Variants in ANK1 observed in about 807,000 individuals in gnomAD.
The protein encoded by ANK1 is ankyrin-1.
A neutral mutation model predicts 210.4 loss-of-function variants in ANK1; 51 were observed. That is an observed-to-expected ratio of 0.24 (90% confidence interval 0.19 to 0.31). The LOEUF is 0.31. Ranked by LOEUF, ANK1 falls within the 10% of genes least tolerant of loss-of-function variation. The probability of loss-of-function intolerance (pLI) is 1.00; values close to 1 mark genes in which losing one functional copy is unlikely to be tolerated. For synonymous variants in ANK1, 967 were observed against 1,025.9 expected (o/e 0.94, Z 1.10); for missense variants, 2,051 against 2,504.4 (o/e 0.82, Z 3.86).
rs908294232 is a variant in ANK1, at chr8:41,823,731, T to C, written c.127-65594A>G. On this transcript the variant is annotated intron_variant, in intron 1 of 42. Coordinates refer to the ANK1 transcript ENST00000265709. ...GTGAGCTACGATTATGCCACTGTAT[T>C]CCAGCCTGGGCAACAGAGCAAGACC... 1.6e-4 allele frequency among the ~76,000 whole-genome samples: 24 copies of C among 152,012 alleles called. 2 individuals carry two copies. The South Asian group carries it at 4.6e-3, about 29-fold the overall frequency.
rs570996978 is a variant in ANK1, at chr8:41,848,441, C to T, written c.126+47914G>A. 1.1e-4 allele frequency among the ~76,000 whole-genome samples: 17 copies of T among 152,314 alleles called. No individual in the cohort carries two copies. The East Asian group carries it at 2.1e-3, about 19-fold the overall frequency. The stretch of plus-strand genomic sequence containing the variant: ...AAGCATTAACAGTCACTCACGCCTG[C>T]GTGCAGCACCATTGGTCCCTGCAGA... On this transcript the variant is annotated intron_variant, in intron 1 of 42. Transcript: ENST00000265709.
chr8:41,729,402 T>C (rs1831538090), intron 3 of ANK1, among the ~76,000 whole-genome samples: 1 of 152,160 alleles, frequency 6.6e-6, no homozygotes, highest in Non-Finnish European at 1.5e-5. Context: ...TTTTATTTTG[T>C]TTTTAGAATT....
chr8:41,833,775 C>T (rs893648696), intron 1 of ANK1, among the ~76,000 whole-genome samples: 5 of 152,046 alleles, frequency 3.3e-5, no homozygotes, highest in Non-Finnish European at 7.4e-5. Context: ...TCCTGGCACT[C>T]AAGGAGGTCG....
At chr8:41,836,350 G>T (rs191826489) in intron 1 of ANK1, among the ~76,000 whole-genome samples, 296 of 152,390 alleles carry the variant, frequency 1.9e-3, no homozygotes, top group Non-Finnish European at 3.0e-3. Flanking sequence ...ATTGAGCAAG[G>T]TTTCCATTCT....
At chr8:41,770,344 T>G (rs1842765874) in intron 1 of ANK1, among the ~76,000 whole-genome samples, 1 of 152,254 alleles carries the variant, frequency 6.6e-6, no homozygotes, top group Non-Finnish European at 1.5e-5. Context: ...GTTGGAATGT[T>G]TGTTTTCTTA....
chr8:41,859,190 A>G (rs935695947), intron 1 of ANK1, among the ~76,000 whole-genome samples: 4 of 152,216 alleles, frequency 2.6e-5, no homozygotes, highest in African/African-American at 7.2e-5. Context: ...GAGGAACAGG[A>G]GCACGGAAGG....
At chr8:41,847,581 C>G (rs1476902533) in intron 1 of ANK1, among the ~76,000 whole-genome samples, 1 of 152,178 alleles carries the variant, frequency 6.6e-6, no homozygotes, top group African/African-American at 2.4e-5. Context: ...ATTCAATCCC[C>G]AAGACAGCTC....
At chr8:41,762,643 G>A (rs920714915) in intron 1 of ANK1, among the ~76,000 whole-genome samples, 1 of 152,180 alleles carries the variant, frequency 6.6e-6, no homozygotes, top group Non-Finnish European at 1.5e-5. Flanking sequence ...CATGAGCTGG[G>A]TTTCCAGAGA....
chr8:41,865,088 C>T lies in ANK1; in HGVS notation c.126+31267G>A, dbSNP rs543956624. Among the ~76,000 whole-genome samples, 247 of 152,278 alleles carry T rather than the reference C, an allele frequency of 1.6e-3. 1 individual carries two copies. The highest frequency in any genetic ancestry group is 3.4e-3 in the Middle Eastern group (1 of 292). ...GGGTCTGCGAGCATCCAGTGTGTGG[C>T]GCTGCACACACCCTCTGAGCTGAGG... On this transcript the variant is annotated intron_variant, in intron 1 of 42. Coordinates refer to the ANK1 transcript ENST00000265709.
chr8:41,777,903 C>T (rs571352978), intron 1 of ANK1, among the ~76,000 whole-genome samples: 10 of 152,082 alleles, frequency 6.6e-5, no homozygotes, highest in Admixed American at 2.6e-4. Flanking sequence ...TTTTAGCCTT[C>T]GGAGAGAGAC....
At chr8:41,712,136 G>A (rs1211778667) in intron 16 of ANK1, among the ~76,000 whole-genome samples, 2 of 152,122 alleles carry the variant, frequency 1.3e-5, no homozygotes, top group Non-Finnish European at 2.9e-5. Context: ...TGTTGGCCAG[G>A]ATGGTCTTGA....
chr8:41,695,781 C>T (rs552351718), intron 26 of ANK1, among the ~76,000 whole-genome samples: 30 of 152,352 alleles, frequency 2.0e-4, no homozygotes, highest in Non-Finnish European at 2.2e-4. Flanking sequence ...GCCAGGAGGG[C>T]GGACAGAGGT....
intron 1 of ANK1, among the ~76,000 whole-genome samples, chr8:41,835,631 A>G (rs1022508190): frequency 1.3e-5 from 2 of 152,232 alleles, no homozygotes; most frequent in Non-Finnish European, 2.9e-5. Flanking sequence ...AGCAGAGCCC[A>G]CACTGGCCGC....
rs758928244 is a variant in ANK1, at chr8:41,695,281, C to T, written c.3011G>A (p.Arg1004His). 1.4e-5 allele frequency: 23 copies of T among 1,613,988 alleles called. No homozygotes were observed. Among genetic ancestry groups the T allele is most frequent in the Admixed American group, 3.3e-5 (2 of 60,012 alleles). ...TTCGCTCCTCAGAACCACGAGCTCGCGGTCTCCACGGCCATGGGAGGCAAA... is the reference window on the plus strand; with the variant it reads ...TTCGCTCCTCAGAACCACGAGCTCGTGGTCTCCACGGCCATGGGAGGCAAA... ...PHFASHGRGD[R>H]ELVVLRSENG... Residue 1004 changes from arginine to histidine, a missense_variant, in exon 27 of 43, where the codon CGC (arginine) becomes CAC (histidine). Transcript: ENST00000289734.
chr8:41,661,354 G>C lies in ANK1; in HGVS notation c.*36+76C>G, dbSNP rs3736217. ...CACATCATGCTGGGGTGGCTGGGAG[G>C]GGATAGGGTGAGACAGGGAGCAGCC... is the stretch of plus-strand genomic sequence containing the variant. On this transcript the variant is annotated intron_variant, in intron 42 of 42. Coordinates refer to ENST00000289734, the MANE Select transcript of ANK1 (RefSeq NM_000037.4). 281,993 of 1,577,988 alleles carry C rather than the reference G, an allele frequency of 0.18. 26,553 individuals carry two copies. The highest frequency in any genetic ancestry group is 0.28 in the Middle Eastern group (1,460 of 5,162).
intron 23 of ANK1, among the ~76,000 whole-genome samples, chr8:41,698,962 A>ATTTTT (rs199732230): frequency 0.035 from 5,253 of 151,414 alleles, 160 homozygotes; most frequent in African/African-American, 0.086. Context: ...ACGCTCAGCT[A>ATTTTT]TTTTTTTTGT....
chr8:41,853,999 T>A (rs1397111485), intron 1 of ANK1, among the ~76,000 whole-genome samples: 1 of 152,354 alleles, frequency 6.6e-6, no homozygotes, highest in African/African-American at 2.4e-5. Context: ...ACATGACCAT[T>A]TTCCTATGAA....
chr8:41,710,536 C>T (rs1825842554), intron 16 of ANK1, among the ~76,000 whole-genome samples: 1 of 152,194 alleles, frequency 6.6e-6, no homozygotes, highest in Admixed American at 6.5e-5. Context: ...TCTAGCAAGC[C>T]CCCAGATGAT....
intron 29 of ANK1, among the ~76,000 whole-genome samples, chr8:41,693,600 G>A (rs1335363597): frequency 6.6e-6 from 1 of 151,924 alleles, no homozygotes; most frequent in Non-Finnish European, 1.5e-5. Flanking sequence ...ACCATGCCTG[G>A]CTAAGTTTTG....
Sources: allele counts gnomAD v4.1 joint callset (sites outside exome capture counted in the v4.1 genomes callset), GRCh38; gene constraint gnomAD v4.1.1; transcripts MANE v1.5; gene names NCBI Gene and HGNC (gene_info 2026-07-23, HGNC 2026-07-21).